MBP: variants seen among roughly 807,000 people sequenced by gnomAD.
The protein encoded by MBP is Golli-MBP.
MBP carries 16 observed loss-of-function variants against 35.8 expected under a neutral mutation model. The observed-to-expected ratio is 0.45, with a 90% CI of 0.30 to 0.68. The LOEUF (loss-of-function observed/expected upper bound fraction) is 0.68. Among genes scored for constraint, MBP ranks in the 30% least tolerant of loss-of-function variants. The pLI, the probability that MBP is intolerant of heterozygous loss-of-function variation, is 0.08. For missense variants in MBP, 380 were observed against 404.7 expected, an observed-to-expected ratio of 0.94 and a Z score of 0.52; for synonymous variants, 143 against 159.6, an observed-to-expected ratio of 0.90 and a Z score of 0.78.
At chr18:77,029,497 G>A (rs1252733940) in intron 3 of MBP, among the ~76,000 whole-genome samples, 1 of 148,842 alleles carries the variant, frequency 6.7e-6, no homozygotes, top group Non-Finnish European at 1.5e-5. Flanking sequence ...TAAACTTTTT[G>A]CAGAGATGGG....
At chr18:77,103,249 A>G (rs1196032420) in intron 2 of MBP, among the ~76,000 whole-genome samples, 1 of 152,228 alleles carries the variant, frequency 6.6e-6, no homozygotes, top group East Asian at 1.9e-4. Context: ...TTACTATTAA[A>G]TAAAAACGCA....
chr18:77,073,229 T>C (rs898188323), intron 2 of MBP, among the ~76,000 whole-genome samples: 2 of 152,146 alleles, frequency 1.3e-5, no homozygotes, highest in Non-Finnish European at 2.9e-5. Context: ...TATGTATATA[T>C]ATAAAAAGAC....
chr18:77,064,117 G>A (rs1012461302), intron 3 of MBP, among the ~76,000 whole-genome samples: 1 of 152,044 alleles, frequency 6.6e-6, no homozygotes, highest in Non-Finnish European at 1.5e-5. Context: ...TTTCTATTAC[G>A]TCTTTATATA....
At chr18:77,005,693 C>A in intron 4 of MBP, 1 of 152,484 alleles carries the variant, frequency 6.6e-6, no homozygotes. Context: ...AACTAAGGCC[C>A]CAGCACAGAA....
chr18:77,040,441 A>T (rs1972946190), intron 3 of MBP, among the ~76,000 whole-genome samples: 1 of 152,248 alleles, frequency 6.6e-6, no homozygotes, highest in Non-Finnish European at 1.5e-5. Context: ...TTTAAAGTTC[A>T]TATGGAACCA....
chr18:77,015,414 T>A (rs1357506549), intron 4 of MBP: 1 of 985,284 alleles, frequency 1.0e-6, no homozygotes, highest in Non-Finnish European at 1.2e-6. Flanking sequence ...TAGCTGGGCT[T>A]GAAAAAGTGC....
At chr18:77,005,833 G>A (rs746308197) in intron 4 of MBP, 1 of 152,400 alleles carries the variant, frequency 6.6e-6, no homozygotes, top group Non-Finnish European at 1.5e-5. Context: ...CACGAGTGTG[G>A]AGTGGCACTG....
Position 76,978,963 on chromosome 18 carries a change from C to T in MBP, c.*1464G>A, listed in dbSNP as rs1166560789. ...CGCAGAGCCGACCTCAGCTCAGCGA[C>T]GCAGAGTGCTTCTGCTGAAAAATTT... On this transcript the variant is annotated 3_prime_UTR_variant, in exon 9 of 9. Coordinates refer to ENST00000355994, the MANE Select transcript of MBP (RefSeq NM_001025101.2). 6.6e-6 allele frequency: 1 copy of T among 152,188 alleles called. No individual in the cohort carries two copies. Among genetic ancestry groups the T allele is most frequent in the East Asian group, 1.9e-4 (1 of 5,202 alleles). 9.4% of individuals were successfully genotyped at this position (152,188 alleles called of 1,614,324 possible).
intron 3 of MBP, among the ~76,000 whole-genome samples, chr18:77,029,776 CCA>C (rs890176105): frequency 3.0e-4 from 40 of 132,146 alleles, no homozygotes; most frequent in East Asian, 1.6e-3. Context: ...CATAAAATGA[CCA>C]CACACACACA....
At chr18:77,079,921 C>A (rs1289927805) in intron 2 of MBP, among the ~76,000 whole-genome samples, 1 of 152,148 alleles carries the variant, frequency 6.6e-6, no homozygotes, top group Admixed American at 6.5e-5. Context: ...GCAACTCTCT[C>A]CGGGATTGAA....
At chr18:77,087,464 C>CA (rs1555727189) in intron 2 of MBP, 1 of 152,164 alleles carries the variant, frequency 6.6e-6, no homozygotes, top group Non-Finnish European at 1.5e-5. Context: ...CCGCGGAGCT[C>CA]GCCAGCCCTA....
At chr18:77,015,695 C>A (rs1275931382) in intron 4 of MBP, 1 of 985,342 alleles carries the variant, frequency 1.0e-6, no homozygotes, top group Non-Finnish European at 1.2e-6. Context: ...AAAGGTAAAA[C>A]TGACATTTGT....
At chr18:77,080,177 C>G (rs569987402) in intron 2 of MBP, among the ~76,000 whole-genome samples, 50 of 152,288 alleles carry the variant, frequency 3.3e-4, no homozygotes, top group African/African-American at 1.2e-3. Flanking sequence ...TAGTTTTATT[C>G]TTGCTCTAGA....
chr18:77,064,056 C>T (rs943862733), intron 3 of MBP, among the ~76,000 whole-genome samples: 3 of 152,150 alleles, frequency 2.0e-5, no homozygotes, highest in African/African-American at 4.8e-5. Flanking sequence ...CATTCTAGAA[C>T]TCACTTTTAT....
At chr18:77,037,383 A>G (rs1382255853) in intron 3 of MBP, among the ~76,000 whole-genome samples, 1 of 152,264 alleles carries the variant, frequency 6.6e-6, no homozygotes, top group Non-Finnish European at 1.5e-5. Flanking sequence ...GAGCTGAGCA[A>G]GCGGCCAGAC....
At chr18:77,032,907 T>C (rs1425021486) in intron 3 of MBP, among the ~76,000 whole-genome samples, 1 of 152,210 alleles carries the variant, frequency 6.6e-6, no homozygotes. Flanking sequence ...CTAGTTGAAC[T>C]GAGTTGAATT....
In MBP at chr18:76,980,443, G is replaced by C. The variant is rs1261226410; in HGVS notation, c.899C>G (p.Pro300Arg). The C allele has an allele frequency of 1.2e-6, 2 of 1,613,644 alleles. No individual in the cohort carries two copies. Among genetic ancestry groups the C allele is most frequent in the Non-Finnish European group, 1.7e-6 (2 of 1,179,774 alleles). The change falls in exon 9 of 9, where the codon CCC becomes CGC. Residue 300 changes from proline to arginine, a missense_variant. By Grantham distance (103) the Pro-to-Arg change is moderately radical. Transcript: ENST00000355994. Reference sequence around the variant, plus strand: ...GGTGGGTTTTCAGCGTCTAGCCATGGGTGATCCAGAGCGACTATCTCTTCC... The same window carrying C: ...GGTGGGTTTTCAGCGTCTAGCCATGCGTGATCCAGAGCGACTATCTCTTCC... The part of the protein sequence containing the change: ...LGGRDSRSGS[P>R]MARR
At chr18:76,998,181 C>T (rs1308291498) in intron 4 of MBP, among the ~76,000 whole-genome samples, 2 of 152,206 alleles carry the variant, frequency 1.3e-5, no homozygotes, top group African/African-American at 4.8e-5. Context: ...ACTCTCCATC[C>T]CTGGCCCCAG....
intron 1 of MBP, among the ~76,000 whole-genome samples, chr18:77,124,545 G>T (rs1283349042): frequency 1.3e-5 from 2 of 152,102 alleles, no homozygotes; most frequent in Non-Finnish European, 2.9e-5. Context: ...GGTTGGACGC[G>T]GGGCAGCTGG....
Sources: gnomAD v4.1 joint callset for allele counts (sites outside exome capture counted in the v4.1 genomes callset) on GRCh38, gnomAD v4.1.1 for gene constraint, MANE v1.5 for transcripts, NCBI Gene and HGNC (gene_info 2026-07-23, HGNC 2026-07-21) for gene names.